ADD2: variants seen among roughly 807,000 people sequenced by gnomAD.
The protein encoded by ADD2 is adducin 2.
Under a neutral mutation model 83.0 loss-of-function variants are expected in ADD2, and 23 were observed. The ratio of observed to expected loss-of-function variants is 0.28; its 90% CI spans 0.20 to 0.39. The LOEUF is 0.39. Among genes scored for constraint, ADD2 ranks in the 10% least tolerant of loss-of-function variants. ADD2 has a pLI of 1.00. For synonymous variants in ADD2, 375 were observed against 375.4 expected, an observed-to-expected ratio of 1.00 and a Z score of 0.01; for missense variants, 758 against 944.9, an observed-to-expected ratio of 0.80 and a Z score of 2.59.
At chr2:70,725,720 A>G (rs1672958353) in intron 1 of ADD2, among the ~76,000 whole-genome samples, 1 of 152,100 alleles carries the variant, frequency 6.6e-6, no homozygotes, top group South Asian at 2.1e-4. Flanking sequence ...GCACAGCCCT[A>G]CCGACACCAT....
intron 10 of ADD2, among the ~76,000 whole-genome samples, chr2:70,682,991 C>T (rs1301092242): frequency 6.6e-6 from 1 of 150,492 alleles, no homozygotes; most frequent in African/African-American, 2.4e-5. Flanking sequence ...ATAAGATAGG[C>T]TCTGTGTCCC....
intron 15 of ADD2, 49 bp downstream of exon 15, chr2:70,672,829 T>C (rs782504722): frequency 6.4e-7 from 1 of 1,561,604 alleles, no homozygotes; most frequent in African/African-American, 1.4e-5. Context: ...CTTCCCAGCC[T>C]GCAGATGCAC....
intron 8 of ADD2, 62 bp downstream of exon 8, chr2:70,690,724 T>G (rs1379415632): frequency 7.1e-6 from 11 of 1,551,158 alleles, no homozygotes; most frequent in Middle Eastern, 1.7e-4. Context: ...ATATGTCACT[T>G]TTGTGATGTT....
chr2:70,762,301 A>T (rs1302441693), intron 1 of ADD2, among the ~76,000 whole-genome samples: 3 of 151,856 alleles, frequency 2.0e-5, no homozygotes, highest in African/African-American at 7.3e-5. Flanking sequence ...AGAAGGCAGG[A>T]CCAGATTTCT....
intron 15 of ADD2, among the ~76,000 whole-genome samples, chr2:70,671,437 T>C (rs1363679289): frequency 6.6e-6 from 1 of 152,044 alleles, no homozygotes; most frequent in East Asian, 1.9e-4. Context: ...GCCAGGAAAC[T>C]TCCCAAAGGC....
In ADD2 at chr2:70,704,220, C is replaced by T. The variant is rs545978368; in HGVS notation, c.322+101G>A. 18 of 1,454,554 alleles carry T rather than the reference C, an allele frequency of 1.2e-5. No homozygotes were observed. The African/African-American group carries it at 1.8e-4, about 15-fold the overall frequency. The allele number at this position is 1,454,554 out of a possible 1,614,324, so 90.1% of individuals were successfully genotyped here. On this transcript the variant is annotated intron_variant, in intron 4 of 15. Transcript: ENST00000264436. ...TGATAACACAATGGGCTGCTTACTC[C>T]ATAGCCTGGCAACCAGATGCTTCTT...
intron 1 of ADD2, among the ~76,000 whole-genome samples, chr2:70,725,097 C>T (rs1311327126): frequency 6.6e-6 from 1 of 152,204 alleles, no homozygotes; most frequent in African/African-American, 2.4e-5. Flanking sequence ...GCGAGGGTTA[C>T]CGAACCACCC....
At chr2:70,710,586 AG>A (rs1558550542) in intron 2 of ADD2, among the ~76,000 whole-genome samples, 1 of 152,234 alleles carries the variant, frequency 6.6e-6, no homozygotes, top group Non-Finnish European at 1.5e-5. Flanking sequence ...TGTGAATCAC[AG>A]GCATCCTCTT....
chr2:70,671,942 C>T (rs1669912819), intron 15 of ADD2, among the ~76,000 whole-genome samples: 1 of 152,154 alleles, frequency 6.6e-6, no homozygotes, highest in African/African-American at 2.4e-5. Context: ...TGTGCATGCC[C>T]TGGAGTGATT....
intron 10 of ADD2, among the ~76,000 whole-genome samples, chr2:70,683,022 CTTT>C (rs35087942): frequency 3.2e-5 from 4 of 124,514 alleles, no homozygotes; most frequent in Admixed American, 8.6e-5. Context: ...GGAGTATGAC[CTTT>C]TTTTTTTTTT....
chr2:70,759,519 G>T (rs1379204634), intron 1 of ADD2, among the ~76,000 whole-genome samples: 3 of 152,054 alleles, frequency 2.0e-5, no homozygotes, highest in Admixed American at 1.3e-4. Context: ...AGGTGTTTGG[G>T]TCATGGTGGT....
chr2:70,674,876 G>T, intron 13 of ADD2, 51 bp from the exon 14 acceptor site: 18 of 1,578,730 alleles, frequency 1.1e-5, no homozygotes, highest in Non-Finnish European at 1.5e-5. Context: ...CGCAGTTGGG[G>T]TGCAGGCCCC....
intron 1 of ADD2, among the ~76,000 whole-genome samples, chr2:70,737,476 C>CA (rs1295754672): frequency 1.3e-4 from 19 of 148,028 alleles, no homozygotes; most frequent in Admixed American, 1.2e-3. Context: ...ATCGCAAGGA[C>CA]AAAAAACCAA....
At chr2:70,752,073 A>G (rs1433971689) in intron 1 of ADD2, among the ~76,000 whole-genome samples, 4 of 152,206 alleles carry the variant, frequency 2.6e-5, no homozygotes, top group Non-Finnish European at 5.9e-5. Flanking sequence ...CAAGCCAAAG[A>G]CACTACAAAT....
chr2:70,697,275 G>A (rs1162983419), intron 4 of ADD2, among the ~76,000 whole-genome samples: 1 of 152,214 alleles, frequency 6.6e-6, no homozygotes, highest in Non-Finnish European at 1.5e-5. Context: ...CCTCAGGCAG[G>A]GTACCTAGGC....
intron 2 of ADD2, among the ~76,000 whole-genome samples, chr2:70,710,468 C>T (rs1288295815): frequency 2.0e-5 from 3 of 152,224 alleles, no homozygotes; most frequent in African/African-American, 4.8e-5. Context: ...TTCTTAGAGC[C>T]CTGCCCCAGA....
chr2:70,741,428 G>A (rs1259435825), intron 1 of ADD2: 1 of 152,226 alleles, frequency 6.6e-6, no homozygotes, highest in Non-Finnish European at 1.5e-5. Flanking sequence ...AAGGAGAAAG[G>A]ACAGTGAGAG....
chr2:70,731,674 A>G (rs146276309), intron 1 of ADD2, among the ~76,000 whole-genome samples: 55 of 152,288 alleles, frequency 3.6e-4, no homozygotes, highest in African/African-American at 1.2e-3. Flanking sequence ...TCAAGGCCCA[A>G]TGATCATGTG....
chr2:70,740,888 C>T (rs1054531220), intron 1 of ADD2, among the ~76,000 whole-genome samples: 36 of 152,070 alleles, frequency 2.4e-4, no homozygotes, highest in African/African-American at 7.7e-4. Context: ...TTAGTAGAGA[C>T]GGGGTTTCAC....
Sources: allele counts gnomAD v4.1 joint callset (sites outside exome capture counted in the v4.1 genomes callset), GRCh38; gene constraint gnomAD v4.1.1; transcripts MANE v1.5; gene names NCBI Gene and HGNC (gene_info 2026-07-23, HGNC 2026-07-21).